Variants in TMPRSS9 observed in about 807,000 individuals in gnomAD.
TMPRSS9 encodes the protein transmembrane protease serine 9.
In TMPRSS9, 113 loss-of-function variants were observed where a neutral mutation model predicts 111.4. That is an observed-to-expected ratio of 1.01 (90% CI 0.87 to 1.19). The LOEUF (loss-of-function observed/expected upper bound fraction) is 1.19. TMPRSS9 is among the 50% of genes most tolerant of loss of function. The pLI, the probability that TMPRSS9 is intolerant of heterozygous loss-of-function variation, is 0.00. For synonymous variants in TMPRSS9, 805 were observed against 659.1 expected, an observed-to-expected ratio of 1.22 and a Z score of -3.39; for missense variants, 1,803 against 1,513.1, an observed-to-expected ratio of 1.19 and a Z score of -3.18.
intron 15 of TMPRSS9, 116 bp downstream of exon 16, chr19:2,424,373 C>G: frequency 8.8e-7 from 1 of 1,137,600 alleles, no homozygotes; most frequent in Non-Finnish European, 1.1e-6. Context: ...CTCCCCAACC[C>G]CGGCTCCCAC....
intron 4 of TMPRSS9, 56 bp downstream of exon 5, chr19:2,399,249 A>G (rs1970777718): frequency 6.6e-7 from 1 of 1,518,910 alleles, no homozygotes; most frequent in African/African-American, 1.4e-5. Context: ...GTGGGGCAGG[A>G]GCTGCAAGAT....
chr19:2,417,230 C>T (rs1194405772), intron 12 of TMPRSS9, among the ~76,000 whole-genome samples: 1 of 152,092 alleles, frequency 6.6e-6, no homozygotes, highest in Non-Finnish European at 1.5e-5. Context: ...CTTTGGGAGG[C>T]CCAGGAGGGT....
At chr19:2,374,447 G>A (rs1040397155) in intron 1 of TMPRSS9, among the ~76,000 whole-genome samples, 5 of 148,310 alleles carry the variant, frequency 3.4e-5, no homozygotes, top group African/African-American at 7.6e-5. Context: ...GGTGGTGGGC[G>A]CCTGTAGTCC....
At chr19:2,388,337 G>T (rs1308540325), upstream of TMPRSS9, among the ~76,000 whole-genome samples, 1 of 152,076 alleles carries the variant, frequency 6.6e-6, no homozygotes, top group Non-Finnish European at 1.5e-5. Context: ...AGTGAGCTGT[G>T]ATCACACCAT....
intron 17 of TMPRSS9, 133 bp downstream of exon 18, chr19:2,425,626 CT>C: frequency 4.4e-6 from 6 of 1,372,650 alleles, no homozygotes; most frequent in Non-Finnish European, 4.7e-6. Flanking sequence ...AGCAGGGAGC[CT>C]TTTTGGCTCT....
intron 9 of TMPRSS9, among the ~76,000 whole-genome samples, chr19:2,411,546 C>T (rs756328184): frequency 7.3e-5 from 11 of 150,266 alleles, no homozygotes; most frequent in Non-Finnish European, 1.3e-4. Context: ...TATAGGCATG[C>T]GCCACCACAC....
rs138680432 is a variant in TMPRSS9, at chr19:2,395,764, T to G, written c.143-775T>G. Among the ~76,000 whole-genome samples, 11 of 151,942 alleles carry G rather than the reference T, an allele frequency of 7.2e-5. No individual in the cohort carries two copies. In the East Asian group the frequency reaches 2.1e-3, roughly 30 times the overall value. Reference sequence around the variant, plus strand: ...GGCTCACGCCTGTAATCTGAGCACTTTGGGAGGCCGAGGAGGGCGGATCAC... The same window carrying G: ...GGCTCACGCCTGTAATCTGAGCACTGTGGGAGGCCGAGGAGGGCGGATCAC... On this transcript the variant is annotated intron_variant, in intron 1 of 17. Transcript: ENST00000648592.
chr19:2,406,805 CTT>C (rs112281224), intron 7 of TMPRSS9, among the ~76,000 whole-genome samples: 6 of 139,276 alleles, frequency 4.3e-5, no homozygotes, highest in Non-Finnish European at 3.2e-5. Context: ...TGATATTATC[CTT>C]TTTTTTTTTT....
chr19:2,414,428 C>T (rs1401361401), intron 10 of TMPRSS9, among the ~76,000 whole-genome samples: 3 of 151,932 alleles, frequency 2.0e-5, no homozygotes, highest in African/African-American at 4.8e-5. Flanking sequence ...TTAGTAGAGA[C>T]GGGGTTTCCC....
upstream of TMPRSS9, among the ~76,000 whole-genome samples, chr19:2,389,009 A>G (rs1259675381): frequency 6.6e-6 from 1 of 151,302 alleles, no homozygotes; most frequent in Non-Finnish European, 1.5e-5. Context: ...CTTTCTAGCA[A>G]TGGACCGCAG....
chr19:2,403,002 G>C lies in TMPRSS9; in HGVS notation c.557-80G>C, dbSNP rs1247079104. On this transcript the variant is annotated intron_variant, in intron 5 of 17. Coordinates refer to ENST00000648592, the Ensembl canonical transcript of TMPRSS9. ...GTTTCCACATTTCCGTACCCTGGTG[G>C]TACTAAGTATAGCATGGTGCCTTAC... 5 of 952,408 alleles carry C rather than the reference G, an allele frequency of 5.2e-6. No homozygotes were observed. In the African/African-American group the frequency reaches 8.0e-5, roughly 15 times the overall value. 59.0% of individuals were successfully genotyped at this position (952,408 alleles called of 1,614,324 possible).
At chr19:2,425,330 C>T (rs901802284) in intron 16 of TMPRSS9, 27 bp from the exon 18 acceptor site, 8 of 1,393,638 alleles carry the variant, frequency 5.7e-6, no homozygotes, top group African/African-American at 4.6e-5. Flanking sequence ...GGTCCCCACC[C>T]GCCCCGTCTC....
chr19:2,422,027 G>A (rs1259774398), exon 14 of TMPRSS9: 1 of 1,612,932 alleles, frequency 6.2e-7, no homozygotes, highest in South Asian at 1.1e-5. Flanking sequence ...CCCTTCCCAT[G>A]TCTCCCCCCT....
chr19:2,403,915 C>T (rs1970909112), intron 6 of TMPRSS9, among the ~76,000 whole-genome samples: 1 of 150,916 alleles, frequency 6.6e-6, no homozygotes, highest in Non-Finnish European at 1.5e-5. Context: ...ATGGCGTGAA[C>T]CCGGGAGGTG....
chr19:2,360,520 C>T (rs1970186165), intron 1 of TMPRSS9, among the ~76,000 whole-genome samples, 160 bp downstream of exon 1: 1 of 152,048 alleles, frequency 6.6e-6, no homozygotes. Flanking sequence ...TAGACACCAC[C>T]GGGGTTGTGG....
chr19:2,413,614 C>T (rs1971145826), intron 9 of TMPRSS9, 86 bp from the exon 11 acceptor site: 10 of 1,454,900 alleles, frequency 6.9e-6, no homozygotes, highest in African/African-American at 2.8e-5. Context: ...GCTGTCCCAG[C>T]TCAGAGCTCC....
chr19:2,368,774 G>GTTTGTTTTTTTTTTTTTTTTTTTT (rs1970265977), intron 1 of TMPRSS9, among the ~76,000 whole-genome samples: 1 of 70,366 alleles, frequency 1.4e-5, no homozygotes, highest in African/African-American at 6.0e-5. Context: ...GATAAACCCA[G>GTTTGTTTTTTTTTTTTTTTTTTTT]TTTTTTTTTT....
intron 1 of TMPRSS9, among the ~76,000 whole-genome samples, chr19:2,394,352 A>G (rs1970664104): frequency 1.3e-5 from 2 of 152,178 alleles, no homozygotes; most frequent in South Asian, 4.1e-4. Context: ...GTGCCACTGC[A>G]CTGAAGCCCG....
chr19:2,388,842 T>G (rs924140070), upstream of TMPRSS9, among the ~76,000 whole-genome samples: 39 of 152,076 alleles, frequency 2.6e-4, 1 homozygote, highest in African/African-American at 8.9e-4. Flanking sequence ...CAGGCTGGTC[T>G]CAAACTCCTG....
Sources: gnomAD v4.1 joint callset for allele counts (sites outside exome capture counted in the v4.1 genomes callset) on GRCh38, gnomAD v4.1.1 for gene constraint, MANE v1.5 for transcripts, NCBI Gene and HGNC (gene_info 2026-07-23, HGNC 2026-07-21) for gene names.